The following GALNT13 variants were observed in gnomAD, a reference collection of about 807,000 sequenced individuals.
GALNT13 encodes UDP-GalNAc:polypeptide N-acetylgalactosaminyltransferase 13.
GALNT13 carries 28 observed loss-of-function variants against 64.2 expected under a neutral mutation model. The observed-to-expected ratio is 0.44, with a 90% CI of 0.32 to 0.60. The LOEUF (loss-of-function observed/expected upper bound fraction) is 0.60, where lower values mean the gene tolerates loss of function less well. Among genes scored for constraint, GALNT13 ranks in the 20% least tolerant of loss-of-function variants. The pLI, the probability that GALNT13 is intolerant of heterozygous loss-of-function variation, is 0.05. For missense variants in GALNT13, 577 were observed against 669.8 expected (o/e 0.86, Z 1.53); for synonymous variants, 214 against 224.6 (o/e 0.95, Z 0.42).
At position 154,430,634 on chromosome 2, in the gene GALNT13, G is replaced by A. The variant is rs570679157; in HGVS notation, c.1396-7958G>A. The stretch of plus-strand genomic sequence containing the variant: ...TCGATAAAGCAGTGTCAGGTTTTGA[G>A]AGGATTAATTCAAATTTTGAAAGAA... On this transcript the variant is annotated intron_variant, in intron 11 of 12. Transcript: ENST00000392825. Among the ~76,000 whole-genome samples, 7 of 152,296 alleles carry A rather than the reference G, an allele frequency of 4.6e-5. No homozygotes were observed. The South Asian group carries it at 1.4e-3, about 32-fold the overall frequency.
At chr2:153,979,572 G>C (rs528373514) in intron 3 of GALNT13, among the ~76,000 whole-genome samples, 11 of 152,188 alleles carry the variant, frequency 7.2e-5, no homozygotes, top group Admixed American at 1.3e-4. Context: ...GATATGCCTG[G>C]TTGCATAAAA....
At chr2:153,942,422 C>T (rs575832202) in intron 2 of GALNT13, among the ~76,000 whole-genome samples, 4 of 152,166 alleles carry the variant, frequency 2.6e-5, no homozygotes, top group African/African-American at 9.6e-5. Context: ...AAAGGATCTA[C>T]CCTATCTTAA....
Position 154,184,361 on chromosome 2 carries a change from G to T in GALNT13, c.311+43856G>T, listed in dbSNP as rs551505016. ...TCCATTCAGTGACTCTCTGTGTTTTGATTGAATAATTTAACTTCTTTATAC... is the reference window on the plus strand; with the variant it reads ...TCCATTCAGTGACTCTCTGTGTTTTTATTGAATAATTTAACTTCTTTATAC... On this transcript the variant is annotated intron_variant, in intron 4 of 12. Coordinates refer to ENST00000392825, the MANE Select transcript of GALNT13 (RefSeq NM_052917.4). Among the ~76,000 whole-genome samples the T allele has an allele frequency of 6.9e-3, 1,046 of 152,146 alleles. 9 individuals are homozygous for T. The highest frequency in any genetic ancestry group is 0.024 in the African/African-American group (1,010 of 41,532).
the GALNT13 span, among the ~76,000 whole-genome samples, chr2:153,170,598 T>G: frequency 6.6e-6 from 1 of 152,214 alleles, no homozygotes; most frequent in Non-Finnish European, 1.5e-5. Flanking sequence ...AGTGTCTCAT[T>G]GCAAGCCAAA....
chr2:153,118,147 C>CACACATA, the GALNT13 span, among the ~76,000 whole-genome samples: 87 of 140,262 alleles, frequency 6.2e-4, no homozygotes, highest in African/African-American at 2.2e-3. Flanking sequence ...ACACACACAC[C>CACACATA]CCACATAAAC....
At chr2:154,338,414 C>G (rs970618587) in intron 9 of GALNT13, among the ~76,000 whole-genome samples, 11 of 151,824 alleles carry the variant, frequency 7.2e-5, no homozygotes, top group Admixed American at 2.6e-4. Flanking sequence ...GAAACACTTT[C>G]ATTGAGGAAT....
chr2:154,107,890 T>C (rs532323411), intron 3 of GALNT13, among the ~76,000 whole-genome samples: 13 of 152,280 alleles, frequency 8.5e-5, no homozygotes, highest in African/African-American at 3.1e-4. Context: ...TTATTTTACT[T>C]AGCATAATGT....
intron 2 of GALNT13, among the ~76,000 whole-genome samples, chr2:153,938,720 G>A (rs1022753779): frequency 5.9e-5 from 9 of 152,090 alleles, no homozygotes; most frequent in African/African-American, 2.2e-4. Flanking sequence ...GTAAATGGAC[G>A]CCTTCTCTCT....
intron 4 of GALNT13, among the ~76,000 whole-genome samples, chr2:154,192,708 A>C (rs1319377271): frequency 6.6e-6 from 1 of 152,148 alleles, no homozygotes; most frequent in East Asian, 1.9e-4. Flanking sequence ...AAATTTTTAG[A>C]AATATTATTT....
chr2:153,092,047 A>G, the GALNT13 span, among the ~76,000 whole-genome samples: 1 of 152,208 alleles, frequency 6.6e-6, no homozygotes, highest in African/African-American at 2.4e-5. Flanking sequence ...GTCTAGTTTC[A>G]TTCTTCTGCA....
At chr2:154,436,292 T>G (rs1251293782) in intron 11 of GALNT13, 2 of 152,180 alleles carry the variant, frequency 1.3e-5, no homozygotes, top group Non-Finnish European at 2.9e-5. Context: ...TACTTATAAC[T>G]GTAACAACCA....
chr2:153,718,516 C>T, the GALNT13 span, among the ~76,000 whole-genome samples: 1 of 151,806 alleles, frequency 6.6e-6, no homozygotes, highest in Non-Finnish European at 1.5e-5. Flanking sequence ...GAATAAATCC[C>T]TATTCTGGAG....
intron 9 of GALNT13, among the ~76,000 whole-genome samples, chr2:154,319,984 C>T: frequency 6.6e-6 from 1 of 151,964 alleles, no homozygotes; most frequent in East Asian, 1.9e-4. Context: ...ATATACATAT[C>T]CCTATATATT....
At chr2:153,686,670 A>G in the GALNT13 span, among the ~76,000 whole-genome samples, 2 of 152,042 alleles carry the variant, frequency 1.3e-5, no homozygotes, top group African/African-American at 4.8e-5. Flanking sequence ...AGGACATACA[A>G]TACTATGTTG....
At chr2:153,608,691 A>C in the GALNT13 span, among the ~76,000 whole-genome samples, 1 of 147,906 alleles carries the variant, frequency 6.8e-6, no homozygotes, top group African/African-American at 2.5e-5. Flanking sequence ...TCATATATTT[A>C]TAAAATATAT....
At chr2:153,724,854 G>A in the GALNT13 span, among the ~76,000 whole-genome samples, 1 of 149,628 alleles carries the variant, frequency 6.7e-6, no homozygotes. Context: ...TTACACTGTT[G>A]GTGGGACTGG....
At chr2:154,374,064 C>T (rs1321660010) in intron 9 of GALNT13, among the ~76,000 whole-genome samples, 1 of 152,172 alleles carries the variant, frequency 6.6e-6, no homozygotes, top group Non-Finnish European at 1.5e-5. Context: ...ACTGTCTTTA[C>T]TCCCAGCCTT....
chr2:153,355,415 A>G, the GALNT13 span, among the ~76,000 whole-genome samples: 1 of 152,204 alleles, frequency 6.6e-6, no homozygotes, highest in Non-Finnish European at 1.5e-5. Flanking sequence ...TGTCTGTCAA[A>G]GAACATTGTA....
intron 3 of GALNT13, among the ~76,000 whole-genome samples, chr2:154,041,510 A>T (rs1161292063): frequency 7.1e-6 from 1 of 140,224 alleles, no homozygotes; most frequent in Admixed American, 7.2e-5. Flanking sequence ...ACCAACGTAA[A>T]CACACTGTTA....
Sources: allele counts gnomAD v4.1 joint callset (sites outside exome capture counted in the v4.1 genomes callset), GRCh38; gene constraint gnomAD v4.1.1; transcripts MANE v1.5; gene names NCBI Gene and HGNC (gene_info 2026-07-23, HGNC 2026-07-21).